Variants in MGAT4D observed in about 807,000 individuals in gnomAD.
MGAT4D encodes the protein alpha-1,3-mannosyl-glycoprotein 4-beta-N-acetylglucosaminyltransferase-like protein MGAT4D.
MGAT4D carries 34 observed loss-of-function variants against 15.9 expected under a neutral mutation model. The ratio of observed to expected loss-of-function variants is 2.14; its 90% CI spans 1.62 to 2.84. The LOEUF (loss-of-function observed/expected upper bound fraction) is 2.84, where lower values mean the gene tolerates loss of function less well. Ranked by LOEUF, MGAT4D falls within the 30% of genes most tolerant of loss-of-function variation. The pLI is 0.00. For missense variants in MGAT4D, 327 were observed against 140.2 expected (o/e 2.33, Z -6.73); for synonymous variants, 112 against 48.2 (o/e 2.33, Z -5.49).
At chr4:140,443,477 A>T (rs1159629871) in intron 10 of MGAT4D, 33 bp from the exon 11 acceptor site, 1 of 516,070 alleles carries the variant, frequency 1.9e-6, no homozygotes, top group Non-Finnish European at 3.4e-6. Context: ...AACATCTAGA[A>T]ATAATATATT....
chr4:140,462,914 G>A (rs1196279690), intron 6 of MGAT4D, among the ~76,000 whole-genome samples: 2 of 152,100 alleles, frequency 1.3e-5, no homozygotes, highest in African/African-American at 4.8e-5. Context: ...AAACACTGCA[G>A]CAACATACCA....
intron 10 of MGAT4D, among the ~76,000 whole-genome samples, chr4:140,446,650 T>C (rs1213278826): frequency 6.6e-6 from 1 of 151,630 alleles, no homozygotes; most frequent in Admixed American, 6.6e-5. Flanking sequence ...TTTTGAATGG[T>C]TTTTCATGTC....
rs1436471384 is a variant in MGAT4D, at chr4:140,442,375, C to T, written c.*1061G>A. 6.6e-6 allele frequency: 1 copy of T among 151,936 alleles called. No homozygotes were observed. The highest frequency in any genetic ancestry group is 2.4e-5 in the African/African-American group (1 of 41,360). The allele number at this position is 151,936 out of a possible 1,614,324, so 9.4% of individuals were successfully genotyped here. A position where few individuals can be genotyped will look rare whatever the true frequency, so the allele number is the denominator to read the frequency against. On this transcript the variant is annotated 3_prime_UTR_variant, in exon 11 of 11. Coordinates refer to ENST00000511113, the MANE Select transcript of MGAT4D (RefSeq NM_001277353.2). ...CAACAATGGGAAATGAAGAATTTCA[C>T]AATATTTGATTAAAGGATAACAAAT...
chr4:140,482,922 T>C, intron 1 of MGAT4D, among the ~76,000 whole-genome samples: 2 of 152,238 alleles, frequency 1.3e-5, no homozygotes, highest in South Asian at 4.1e-4. Context: ...ATATTTAACA[T>C]AGGCCGTAGT....
rs1377564642 is a variant in MGAT4D at position 140,482,449 on chromosome 4, T to C, written c.131A>G (p.Glu44Gly). The C allele has an allele frequency of 1.6e-6, 1 of 643,416 alleles. No individual in the cohort carries two copies. Among genetic ancestry groups the C allele is most frequent in the Non-Finnish European group, 2.7e-6 (1 of 364,474 alleles). The allele number at this position is 643,416 out of a possible 1,614,324, so 39.9% of individuals were successfully genotyped here. ...QLINCRNHIL[E>G]FKENMLHLRN... ...TAAGTGTAGCATATTTTCTTTAAAC[T>C]CCAAAATATGGTTTCTACAGTTAAT... The change falls in exon 2 of 11, where the codon GAG (glutamate) becomes GGG (glycine). Residue 44 changes from glutamate to glycine, a missense_variant. By Grantham distance (98) the Glu-to-Gly change is moderately conservative. Coordinates refer to ENST00000511113, the MANE Select transcript of MGAT4D (RefSeq NM_001277353.2).
intron 1 of MGAT4D, among the ~76,000 whole-genome samples, chr4:140,495,234 T>C (rs1397845888): frequency 6.6e-6 from 1 of 152,232 alleles, no homozygotes. Context: ...ACATGATGCT[T>C]CCTCGTTTCA....
chr4:140,446,032 C>T (rs780741812), intron 10 of MGAT4D, among the ~76,000 whole-genome samples: 1 of 152,050 alleles, frequency 6.6e-6, no homozygotes, highest in Non-Finnish European at 1.5e-5. Context: ...TGATTGTGGT[C>T]AATTAGCTTT....
intron 1 of MGAT4D, among the ~76,000 whole-genome samples, chr4:140,495,674 C>T (rs6838038): frequency 0.086 from 13,098 of 152,118 alleles, 570 homozygotes; most frequent in South Asian, 0.11. Flanking sequence ...ACTATGAGCT[C>T]ATAAAAATGA....
intron 1 of MGAT4D, among the ~76,000 whole-genome samples, chr4:140,488,688 G>A (rs1043923898): frequency 6.6e-6 from 1 of 152,206 alleles, no homozygotes; most frequent in African/African-American, 2.4e-5. Context: ...AAATGGTATG[G>A]TATGTGATAT....
intron 1 of MGAT4D, among the ~76,000 whole-genome samples, chr4:140,488,425 T>C (rs1261025127): frequency 1.3e-5 from 2 of 152,198 alleles, no homozygotes; most frequent in Non-Finnish European, 2.9e-5. Context: ...GCAAGGAATG[T>C]GGGAATGGTG....
intron 1 of MGAT4D, among the ~76,000 whole-genome samples, chr4:140,497,763 G>T (rs1733931483): frequency 6.6e-6 from 1 of 152,236 alleles, no homozygotes; most frequent in Admixed American, 6.5e-5. Context: ...GCAGTTCTTG[G>T]GGTCAGACAG....
intron 2 of MGAT4D, among the ~76,000 whole-genome samples, chr4:140,480,472 T>C (rs2126817867): frequency 6.6e-6 from 1 of 151,682 alleles, no homozygotes; most frequent in South Asian, 2.1e-4. Flanking sequence ...AAACAATACA[T>C]AAAAGAAAAA....
At chr4:140,456,540 A>G (rs1451498447) in intron 9 of MGAT4D, 49 bp downstream of exon 9, 1 of 549,214 alleles carries the variant, frequency 1.8e-6, no homozygotes, top group Non-Finnish European at 3.3e-6. Context: ...TACGTTGGAT[A>G]GATAATATTT....
chr4:140,467,243 T>C (rs1731597100), intron 5 of MGAT4D, among the ~76,000 whole-genome samples: 2 of 152,114 alleles, frequency 1.3e-5, no homozygotes, highest in East Asian at 3.9e-4. Context: ...TAGAAAATAC[T>C]GGCGTAGAAA....
chr4:140,476,112 A>G (rs1181092337), intron 3 of MGAT4D, among the ~76,000 whole-genome samples: 1 of 151,986 alleles, frequency 6.6e-6, no homozygotes, highest in Non-Finnish European at 1.5e-5. Flanking sequence ...GTGCCTGGCC[A>G]CTTATTGGCT....
intron 2 of MGAT4D, among the ~76,000 whole-genome samples, chr4:140,480,902 T>G (rs1732674574): frequency 6.6e-6 from 1 of 152,154 alleles, no homozygotes; most frequent in East Asian, 1.9e-4. Context: ...TGCCATTGCA[T>G]TCCCCGTTTG....
chr4:140,457,195 A>G (rs1730869337), intron 8 of MGAT4D: 1 of 151,912 alleles, frequency 6.6e-6, no homozygotes, highest in Non-Finnish European at 1.5e-5. Flanking sequence ...TTTTTCTTTT[A>G]TATTTGTTAT....
chr4:140,493,546 C>T (rs147220229), intron 1 of MGAT4D, among the ~76,000 whole-genome samples: 21,602 of 151,926 alleles, frequency 0.14, 1,785 homozygotes, highest in African/African-American at 0.2. Context: ...CTGCCCACCT[C>T]GGCCTCCCAA....
chr4:140,451,085 ATTTT>A (rs1212971383), intron 10 of MGAT4D, among the ~76,000 whole-genome samples: 1 of 152,202 alleles, frequency 6.6e-6, no homozygotes, highest in Non-Finnish European at 1.5e-5. Context: ...TTCTAGTATA[ATTTT>A]GAATTTTAGA....
Sources: allele counts gnomAD v4.1 joint callset (sites outside exome capture counted in the v4.1 genomes callset), GRCh38; gene constraint gnomAD v4.1.1; transcripts MANE v1.5; gene names NCBI Gene and HGNC (gene_info 2026-07-23, HGNC 2026-07-21).